The following POF1B variants were observed in gnomAD, a reference collection of about 807,000 sequenced individuals.
POF1B encodes protein POF1B.
A neutral mutation model predicts 55.3 loss-of-function variants in POF1B; 53 were observed. The ratio of observed to expected loss-of-function variants is 0.96; its 90% confidence interval spans 0.77 to 1.20. POF1B has a LOEUF of 1.20. Ranked by LOEUF, POF1B falls within the 50% of genes most tolerant of loss-of-function variation. The probability of loss-of-function intolerance (pLI) is 0.00; values close to 1 mark genes in which losing one functional copy is unlikely to be tolerated. For missense variants in POF1B, 478 were observed against 420.5 expected, an observed-to-expected ratio of 1.14 and a Z score of -1.20; for synonymous variants, 188 against 148.3, an observed-to-expected ratio of 1.27 and a Z score of -1.95.
At position 85,377,818 on chromosome X, in the gene POF1B, G is replaced by C. The variant is rs762335595; in HGVS notation, c.282+1355C>G. ...ACATACTCCTAAAAATTGTCCGGTA[G>C]CCAATATTTATAATTTGTCAAATTT... is the stretch of plus-strand genomic sequence containing the variant. On this transcript the variant is annotated intron_variant, in intron 2 of 16. Coordinates refer to ENST00000262753, the MANE Select transcript of POF1B (RefSeq NM_024921.4). 1.2e-3 allele frequency among the ~76,000 whole-genome samples: 139 copies of C among 111,966 alleles called. 2 individuals carry two copies. The highest frequency in any genetic ancestry group is 4.4e-3 in the African/African-American group (135 of 30,938).
chrX:85,320,617 C>T (rs1932827721), intron 7 of POF1B, among the ~76,000 whole-genome samples: 1 of 111,162 alleles, frequency 9.0e-6, no homozygotes, highest in Admixed American at 9.6e-5. Flanking sequence ...GAAATAGAGA[C>T]ACAAAAAACC....
chrX:85,301,571 T>C (rs1411057685), intron 15 of POF1B, among the ~76,000 whole-genome samples: 1 of 111,027 alleles, frequency 9.0e-6, no homozygotes, highest in Non-Finnish European at 1.9e-5. Context: ...CCAAATCCAT[T>C]TGAAGAAATA....
chrX:85,354,500 T>C (rs1287718562), intron 4 of POF1B, among the ~76,000 whole-genome samples: 1 of 110,872 alleles, frequency 9.0e-6, no homozygotes, highest in Non-Finnish European at 1.9e-5. Flanking sequence ...AAGTTCACTA[T>C]AAATGATGAA....
chrX:85,378,789 A>T lies in POF1B; in HGVS notation c.282+384T>A, dbSNP rs1462333153. On this transcript the variant is annotated intron_variant, in intron 2 of 16. Transcript: ENST00000262753. ...CCTGTATCACCATATTTGATACCAA[A>T]AAAAACCTGTTTGCTTCTGATATGA... 2.7e-5 allele frequency among the ~76,000 whole-genome samples: 3 copies of T among 112,294 alleles called. No individual in the cohort carries two copies. In the East Asian group the frequency reaches 8.4e-4, roughly 32 times the overall value.
intron 16 of POF1B, among the ~76,000 whole-genome samples, chrX:85,279,868 G>C (rs1326453484): frequency 9.0e-6 from 1 of 110,814 alleles, no homozygotes; most frequent in Non-Finnish European, 1.9e-5. Flanking sequence ...AACTTTATTT[G>C]GCAGGTCTTC....
chrX:85,292,059 G>T (rs752235592), intron 15 of POF1B, among the ~76,000 whole-genome samples: 2 of 111,289 alleles, frequency 1.8e-5, no homozygotes, highest in Non-Finnish European at 3.8e-5. Context: ...TCAGTATGAT[G>T]TTGGCTGTGG....
intron 2 of POF1B, among the ~76,000 whole-genome samples, chrX:85,376,120 C>A (rs1160060275): frequency 3.6e-5 from 4 of 111,516 alleles, no homozygotes; most frequent in Non-Finnish European, 7.5e-5. Flanking sequence ...AACATGTATT[C>A]AGTGAATGAC....
At chrX:85,301,883 C>G (rs901148552) in intron 15 of POF1B, among the ~76,000 whole-genome samples, 19 of 111,385 alleles carry the variant, frequency 1.7e-4, no homozygotes, top group African/African-American at 4.9e-4. Flanking sequence ...AAGATACAAC[C>G]ATGTGTGGTT....
At chrX:85,282,423 G>C in intron 15 of POF1B, 106 bp from the exon 16 acceptor site, 1 of 455,515 alleles carries the variant, frequency 2.2e-6, no homozygotes, top group Non-Finnish European at 3.4e-6. Flanking sequence ...ATTCGGCTCT[G>C]AATGACTTTT....
At chrX:85,370,880 C>T (rs1933808588) in intron 2 of POF1B, among the ~76,000 whole-genome samples, 1 of 112,109 alleles carries the variant, frequency 8.9e-6, no homozygotes, top group Non-Finnish European at 1.9e-5. Context: ...CTGTATCAGT[C>T]AGTGTTTAAT....
rs181841583 is a variant in POF1B at position 85,309,979 on chromosome X, C to T, written c.958-1763G>A. ...AAGCTGAGTGGGGGAACCTCAACTTCCACCACCAGCTGGCAGTAATAGGTA... is the reference window on the plus strand; with the variant it reads ...AAGCTGAGTGGGGGAACCTCAACTTTCACCACCAGCTGGCAGTAATAGGTA... On this transcript the variant is annotated intron_variant, in intron 9 of 16. Coordinates refer to ENST00000262753, the MANE Select transcript of POF1B (RefSeq NM_024921.4). 2.7e-5 allele frequency among the ~76,000 whole-genome samples: 3 copies of T among 112,152 alleles called. No individual in the cohort carries two copies. The East Asian group carries it at 8.5e-4, about 32-fold the overall frequency.
At position 85,348,405 on chromosome X, in the gene POF1B, A is replaced by G. The variant is rs1399532544; in HGVS notation, c.541-2363T>C. Reference sequence around the variant, plus strand: ...AAAAGAATTATGATGAGTACAAATCATATGAATTGGATAGTTATCTTGCAC... The same window carrying G: ...AAAAGAATTATGATGAGTACAAATCGTATGAATTGGATAGTTATCTTGCAC... On this transcript the variant is annotated intron_variant, in intron 5 of 16. Coordinates refer to ENST00000262753, the MANE Select transcript of POF1B (RefSeq NM_024921.4). Among the ~76,000 whole-genome samples, 4 of 111,425 alleles carry G rather than the reference A, an allele frequency of 3.6e-5. No homozygotes were observed. The East Asian group carries it at 1.1e-3, about 32-fold the overall frequency.
At chrX:85,305,744 A>G in intron 13 of POF1B, 47 bp downstream of exon 13, 1 of 1,158,592 alleles carries the variant, frequency 8.6e-7, no homozygotes. Context: ...ATCTTGCTAG[A>G]AAGTTTGTGC....
At chrX:85,289,396 T>G (rs59151844) in intron 15 of POF1B, among the ~76,000 whole-genome samples, 9,453 of 111,780 alleles carry the variant, frequency 0.085, 871 homozygotes, top group African/African-American at 0.28. Flanking sequence ...GACAACCGTG[T>G]GCATGCCCAA....
At chrX:85,296,326 T>C (rs754651682) in intron 15 of POF1B, among the ~76,000 whole-genome samples, 1 of 112,452 alleles carries the variant, frequency 8.9e-6, no homozygotes, top group South Asian at 3.7e-4. Flanking sequence ...TGTAGTTGTT[T>C]CATAGTGTCT....
chrX:85,372,185 A>G (rs1181631893), intron 2 of POF1B, among the ~76,000 whole-genome samples: 1 of 109,659 alleles, frequency 9.1e-6, no homozygotes, highest in Non-Finnish European at 1.9e-5. Context: ...TCTACTAAAA[A>G]TACAAAAAAA....
intron 15 of POF1B, among the ~76,000 whole-genome samples, chrX:85,288,133 G>C (rs1263311136): frequency 2.7e-5 from 3 of 111,478 alleles, no homozygotes; most frequent in African/African-American, 9.8e-5. Flanking sequence ...ACTCATTTAA[G>C]GGAGGACAGC....
intron 6 of POF1B, among the ~76,000 whole-genome samples, chrX:85,331,697 G>T (rs1016847120): frequency 9.9e-5 from 11 of 110,865 alleles, no homozygotes; most frequent in African/African-American, 3.6e-4. Flanking sequence ...TTTCTACATA[G>T]TGGTAGTTTT....
At chrX:85,323,672 G>A (rs1413831960) in intron 7 of POF1B, among the ~76,000 whole-genome samples, 2 of 110,911 alleles carry the variant, frequency 1.8e-5, no homozygotes, top group African/African-American at 6.6e-5. Context: ...GCCACCTTCT[G>A]GATTCATTGC....
Sources: allele counts gnomAD v4.1 joint callset (sites outside exome capture counted in the v4.1 genomes callset), GRCh38; gene constraint gnomAD v4.1.1; transcripts MANE v1.5; gene names NCBI Gene and HGNC (gene_info 2026-07-23, HGNC 2026-07-21).